PERM1: variants seen among roughly 807,000 people sequenced by gnomAD.
PERM1 encodes the protein PPARGC1 and ESRR induced regulator, muscle 1.
A neutral mutation model predicts 44.1 loss-of-function variants in PERM1; 45 were observed. The observed-to-expected ratio is 1.02, with a 90% confidence interval of 0.80 to 1.31. The LOEUF (loss-of-function observed/expected upper bound fraction) is 1.31, where lower values mean the gene tolerates loss of function less well. Ranked by LOEUF, PERM1 falls within the 50% of genes most tolerant of loss-of-function variation. The pLI is 0.00. For missense variants in PERM1, 1,189 were observed against 1,106.9 expected, an observed-to-expected ratio of 1.07 and a Z score of -1.05; for synonymous variants, 565 against 477.1, an observed-to-expected ratio of 1.18 and a Z score of -2.40.
chr1:980,326 G>T, exon 1 of PERM1: 1 of 1,550,258 alleles, frequency 6.5e-7, no homozygotes, highest in Non-Finnish European at 8.7e-7. Flanking sequence ...AGGCTCAGGA[G>T]CTCCTGCAGG....
chr1:980,436 G>A (rs1643764865), exon 1 of PERM1: 2 of 1,546,478 alleles, frequency 1.3e-6, no homozygotes, highest in Non-Finnish European at 1.7e-6. Context: ...CAGAAGCAGA[G>A]GCTCCTGTGT....
At chr1:976,438 C>A (rs1643609449) in intron 2 of PERM1, 61 bp downstream of exon 3, 3 of 1,548,316 alleles carry the variant, frequency 1.9e-6, no homozygotes, top group Non-Finnish European at 2.6e-6. Context: ...ACCCCTCGTC[C>A]TGCCAGCGCC....
At chr1:975,999 G>A (rs1643587509) in exon 3 of PERM1, 1 of 653,634 alleles carries the variant, frequency 1.5e-6, no homozygotes, top group Non-Finnish European at 2.5e-6. Flanking sequence ...AGTGGCCGTG[G>A]TCACTGGCTG....
rs1422092399 is a variant in PERM1, at chr1:980,587, C to T, written c.443G>A (p.Arg148Gln). 1.8e-5 allele frequency: 26 copies of T among 1,453,582 alleles called. No homozygotes were observed. The East Asian group carries it at 4.7e-4, about 26-fold the overall frequency. The allele number at this position is 1,453,582 out of a possible 1,614,324, so 90.0% of individuals were successfully genotyped here. A position where few individuals can be genotyped will look rare whatever the true frequency, so the allele number is the denominator to read the frequency against. The change falls in exon 1 of 3, where the codon CGG becomes CAG. Residue 148 changes from arginine to glutamine, a missense_variant. Physicochemically the swap from Arg to Gln is conservative, Grantham distance 43. This residue lies in a region of PERM1 where 274 missense variants were observed against 317.9 expected (regional missense o/e 0.86). Coordinates refer to ENST00000433179, the Ensembl canonical transcript of PERM1. ...ACTCCCAGGGGGCTCACCAGGGGGC[C>T]GTGGGGCAGGGCCCTGCAGAAGCCT...
chr1:976,580 C>T (rs543824411), exon 2 of PERM1: 3 of 1,549,562 alleles, frequency 1.9e-6, no homozygotes, highest in South Asian at 1.2e-5. Context: ...AGGCACATGT[C>T]ATTCTGGCTG....
chr1:980,661 G>A, exon 1 of PERM1: 1 of 1,430,826 alleles, frequency 7.0e-7, no homozygotes, highest in Non-Finnish European at 9.1e-7. Flanking sequence ...ATGAGAACTG[G>A]CTGGGAGGGC....
At chr1:975,920 C>T in exon 3 of PERM1, 1 of 503,500 alleles carries the variant, frequency 2.0e-6, no homozygotes, top group Non-Finnish European at 3.5e-6. Flanking sequence ...AATCTGGCCA[C>T]CCTCCTACCC....
rs1643621186 is a variant in PERM1 at position 976,660 on chromosome 1, A to T, written c.2150-36T>A. 3 of 1,546,140 alleles carry T rather than the reference A, an allele frequency of 1.9e-6. 1 individual carries two copies. The highest frequency in any genetic ancestry group is 2.8e-5 in the African/African-American group (2 of 72,648). On this transcript the variant is annotated intron_variant, in intron 1 of 2. Coordinates refer to ENST00000433179, the Ensembl canonical transcript of PERM1. Reference sequence around the variant, plus strand: ...AGCTCACCTTCAGCCCCACGGCTGCACTCAGAGATGGCCCCGCACACGCCC... The same window carrying T: ...AGCTCACCTTCAGCCCCACGGCTGCTCTCAGAGATGGCCCCGCACACGCCC...
chr1:980,868 G>C, exon 1 of PERM1: 2 of 1,406,146 alleles, frequency 1.4e-6, no homozygotes, highest in Non-Finnish European at 1.8e-6. Context: ...GTGGGGCCCT[G>C]GGGGGACTGC....
At chr1:976,645 C>T (rs1643620410) in intron 1 of PERM1, 21 bp from the exon 3 acceptor site, 2 of 1,548,844 alleles carry the variant, frequency 1.3e-6, no homozygotes, top group South Asian at 2.4e-5. Flanking sequence ...AGCTCACCTT[C>T]AGCCCCACGG....
exon 1 of PERM1, chr1:979,936 G>C: frequency 6.5e-7 from 1 of 1,550,364 alleles, no homozygotes; most frequent in Non-Finnish European, 8.7e-7. Context: ...TTGCGGCTTG[G>C]AGGCAGGTAT....
At chr1:976,232 G>A (rs1643598572) in exon 3 of PERM1, 1 of 1,538,108 alleles carries the variant, frequency 6.5e-7, no homozygotes, top group Non-Finnish European at 8.8e-7. Context: ...GGCGGAAGTA[G>A]CGGATGGCAG....
exon 3 of PERM1, chr1:976,233 C>G (rs754212868): frequency 1.6e-4 from 253 of 1,537,248 alleles, no homozygotes; most frequent in Non-Finnish European, 2.2e-4. Context: ...GCGGAAGTAG[C>G]GGATGGCAGA....
exon 1 of PERM1, chr1:979,467 G>A (rs1357772638): frequency 6.5e-7 from 1 of 1,547,552 alleles, no homozygotes; most frequent in East Asian, 2.4e-5. Flanking sequence ...GCCGGGCTGA[G>A]GCCTGTCCTG....
chr1:980,032 G>A (rs1418504562), exon 1 of PERM1: 3 of 1,548,968 alleles, frequency 1.9e-6, no homozygotes, highest in South Asian at 2.4e-5. Context: ...CTCAGAGGCA[G>A]GTGTAGACAC....
Position 980,972 on chromosome 1 carries a change from C to G in PERM1, c.58G>C (p.Ala20Pro), listed in dbSNP as rs562494427. The G allele has an allele frequency of 2.1e-5, 31 of 1,475,268 alleles. No homozygotes were observed. The South Asian group carries it at 4.0e-4, about 19-fold the overall frequency. 91.4% of individuals were successfully genotyped at this position (1,475,268 alleles called of 1,614,324 possible). Residue 20 changes from alanine (A) to proline (P), a missense_variant, in exon 1 of 3, where the codon GCC becomes CCC. By Grantham distance (27) the Ala-to-Pro change is conservative (BLOSUM62 -1). Coordinates refer to ENST00000433179, the Ensembl canonical transcript of PERM1. ...AGGAGGCCACACTCATCGGCGGTGG[C>G]TGAGAACTCGGCCCAGTCCTGGTCA...
chr1:978,259 C>A (rs1175080802), intron 1 of PERM1, among the ~76,000 whole-genome samples: 1 of 150,782 alleles, frequency 6.6e-6, no homozygotes, highest in East Asian at 2.0e-4. Flanking sequence ...CCAGATACAT[C>A]CATCATGGGA....
At chr1:976,205 C>G in exon 3 of PERM1, 1 of 1,541,292 alleles carries the variant, frequency 6.5e-7, no homozygotes, top group Non-Finnish European at 8.7e-7. Context: ...GGCTGCGGCG[C>G]CCTTGCCCCA....
chr1:980,171 CT>C lies in PERM1; in HGVS notation c.858del (p.Ala287ProfsTer137), dbSNP rs1282003461. The C allele has an allele frequency of 2.6e-6, 4 of 1,550,314 alleles. No individual in the cohort carries two copies. The highest frequency in any genetic ancestry group is 1.4e-5 in the African/African-American group (1 of 73,058). On this transcript the variant is annotated frameshift_variant, in exon 1 of 3. Coordinates refer to ENST00000433179, the Ensembl canonical transcript of PERM1. LOFTEE classifies it high-confidence loss of function. ...TTAGCCCTTGAGACATCTGGGAGGGCTTCCCAGACAGTCGTGGACACTGTGT... is the reference window on the plus strand; with the variant it reads ...TTAGCCCTTGAGACATCTGGGAGGGCTCCCAGACAGTCGTGGACACTGTGT...
Sources: allele counts gnomAD v4.1 joint callset (sites outside exome capture counted in the v4.1 genomes callset), GRCh38; gene constraint gnomAD v4.1.1; regional missense constraint gnomAD v4.1.1; transcripts MANE v1.5; gene names NCBI Gene and HGNC (gene_info 2026-07-23, HGNC 2026-07-21).